Variants in ALDH1L2 observed in about 807,000 individuals in gnomAD.
The protein encoded by ALDH1L2 is aldehyde dehydrogenase 1 family member L2, also known as mitochondrial 10-formyltetrahydrofolate dehydrogenase.
Under a neutral mutation model 111.0 loss-of-function variants are expected in ALDH1L2, and 91 were observed. The ratio of observed to expected loss-of-function variants is 0.82; its 90% CI spans 0.69 to 0.98. The LOEUF is 0.98. ALDH1L2 is among the 50% of genes least tolerant of loss of function. The pLI, the probability that ALDH1L2 is intolerant of heterozygous loss-of-function variation, is 0.00. For synonymous variants in ALDH1L2, 374 were observed against 392.6 expected, an observed-to-expected ratio of 0.95 and a Z score of 0.56; for missense variants, 995 against 1,126.8, an observed-to-expected ratio of 0.88 and a Z score of 1.67.
At position 105,038,258 on chromosome 12, in the gene ALDH1L2, TCTCA is replaced by T. The variant is rs1227651857; in HGVS notation, c.2046-60_2046-57del. 1.1e-3 allele frequency: 804 copies of T among 704,624 alleles called. 1 individual carries two copies. Among genetic ancestry groups the T allele is most frequent in the East Asian group, 4.6e-3 (145 of 31,238 alleles). 43.6% of individuals were successfully genotyped at this position (704,624 alleles called of 1,614,324 possible). ...TAGTTAACATCTCTCTCTCTCTCTC[TCTCA>T]CACACACACACACACAAACACACAC... is the stretch of plus-strand genomic sequence containing the variant. On this transcript the variant is annotated intron_variant, in intron 17 of 22. Coordinates refer to ENST00000258494, the MANE Select transcript of ALDH1L2 (RefSeq NM_001034173.4).
At position 105,070,469 on chromosome 12, in the gene ALDH1L2, C is replaced by G. The variant is rs1481893715; in HGVS notation, c.428+101G>C. ...CCTGAAATCTCAGCTACTTGGGAGG[C>G]TGAGGCAGAAGGATCATTTGAGCCC... On this transcript the variant is annotated intron_variant, in intron 3 of 22. Coordinates refer to ENST00000258494, the MANE Select transcript of ALDH1L2 (RefSeq NM_001034173.4). The G allele has an allele frequency of 4.0e-6, 4 of 989,816 alleles. No homozygotes were observed. The African/African-American group carries it at 6.6e-5, about 16-fold the overall frequency. 61.3% of individuals were successfully genotyped at this position (989,816 alleles called of 1,614,324 possible). A position where few individuals can be genotyped will look rare whatever the true frequency, so the allele number is the denominator to read the frequency against.
intron 1 of ALDH1L2, among the ~76,000 whole-genome samples, chr12:105,083,256 C>T (rs1334401944): frequency 2.0e-5 from 3 of 152,208 alleles, no homozygotes; most frequent in East Asian, 1.9e-4. Context: ...ATCCCATGTG[C>T]CACGTGGTGG....
At chr12:105,067,283 A>G (rs1004300071) in intron 4 of ALDH1L2, among the ~76,000 whole-genome samples, 1 of 151,932 alleles carries the variant, frequency 6.6e-6, no homozygotes, top group Non-Finnish European at 1.5e-5. Flanking sequence ...GATCACAGAG[A>G]GAGCTTGTAG....
intron 17 of ALDH1L2, among the ~76,000 whole-genome samples, chr12:105,038,940 A>G (rs1252136308): frequency 6.6e-6 from 1 of 152,214 alleles, no homozygotes; most frequent in Non-Finnish European, 1.5e-5. Context: ...AAAAATATCA[A>G]TTTTTAAAAG....
chr12:105,078,400 T>C (rs1878174921), intron 1 of ALDH1L2, among the ~76,000 whole-genome samples: 1 of 152,076 alleles, frequency 6.6e-6, no homozygotes, highest in Non-Finnish European at 1.5e-5. Context: ...CAGAAGTTGC[T>C]GTGAGCTGAG....
intron 1 of ALDH1L2, among the ~76,000 whole-genome samples, chr12:105,080,470 TA>T (rs1555228749): frequency 6.6e-6 from 1 of 152,242 alleles, no homozygotes; most frequent in Non-Finnish European, 1.5e-5. Flanking sequence ...TCTGTCCCAC[TA>T]ATCTATGAAC....
At position 105,068,857 on chromosome 12, in the gene ALDH1L2, A is replaced by G; in HGVS notation, c.456T>C (p.Ala152=). ...CATCAGCCCAGAAAACAGAAAACCCAGCTTTCTTATCTCCCATAATTAGAG... is the reference window on the plus strand; with the variant it reads ...CATCAGCCCAGAAAACAGAAAACCCGGCTTTCTTATCTCCCATAATTAGAG... ...NWTLIMGDKK[A]GFSVFWADDG... is the part of the protein sequence containing the mutation. The change falls in exon 4 of 23, where the codon GCT becomes GCC. Residue 152 remains alanine (A), a synonymous_variant. Coordinates refer to ENST00000258494, the MANE Select transcript of ALDH1L2 (RefSeq NM_001034173.4). 1 of 1,582,712 alleles carries G rather than the reference A, an allele frequency of 6.3e-7. No individual in the cohort carries two copies. Among genetic ancestry groups the G allele is most frequent in the Non-Finnish European group, 8.6e-7 (1 of 1,169,328 alleles).
intron 1 of ALDH1L2, among the ~76,000 whole-genome samples, chr12:105,082,293 A>G (rs1418176368): frequency 1.3e-5 from 2 of 152,220 alleles, no homozygotes; most frequent in African/African-American, 2.4e-5. Context: ...CGTAACCACT[A>G]CCATAATCAA....
Position 105,058,078 on chromosome 12 carries a change from C to G in ALDH1L2, c.1282G>C (p.Asp428His). 1 of 1,612,416 alleles carries G rather than the reference C, an allele frequency of 6.2e-7. No individual in the cohort carries two copies. Residue 428 changes from aspartate (D) to histidine (H), a missense_variant, in exon 10 of 23, where the codon GAT becomes CAT. Asp to His is a moderately conservative substitution (Grantham distance 81). Coordinates refer to ENST00000258494, the MANE Select transcript of ALDH1L2 (RefSeq NM_001034173.4). ...AACATCAAGGAAAAGCTTACATAATCTACAACCAGCTCCACCTCTTGATCT... is the reference window on the plus strand; with the variant it reads ...AACATCAAGGAAAAGCTTACATAATGTACAACCAGCTCCACCTCTTGATCT... ...GEDQEVELVV[D>H]YISKEVNEIM...
At chr12:105,081,730 G>A (rs756404609) in intron 1 of ALDH1L2, among the ~76,000 whole-genome samples, 1 of 152,226 alleles carries the variant, frequency 6.6e-6, no homozygotes, top group Admixed American at 6.5e-5. Flanking sequence ...GTATTTCTAA[G>A]TCCTTTTATT....
At chr12:105,047,813 T>C (rs1876011116) in intron 13 of ALDH1L2, 1 of 152,248 alleles carries the variant, frequency 6.6e-6, no homozygotes, top group African/African-American at 2.4e-5. Context: ...TTTTGGACTT[T>C]AGAAGTGTAA....
chr12:105,055,783 AG>A (rs1256514520), intron 10 of ALDH1L2, among the ~76,000 whole-genome samples: 1 of 152,180 alleles, frequency 6.6e-6, no homozygotes, highest in Non-Finnish European at 1.5e-5. Context: ...TAAGTTGAAA[AG>A]TGCAATAACT....
rs951491870 is a variant in ALDH1L2, at chr12:105,083,622, T to A, written c.48+767A>T. Among the ~76,000 whole-genome samples the A allele has an allele frequency of 1.1e-4, 15 of 136,020 alleles. No individual in the cohort carries two copies. The East Asian group carries it at 2.9e-3, about 26-fold the overall frequency. The allele number at this position is 136,020 out of a possible 152,430, so 89.2% of individuals were successfully genotyped here. A position where few individuals can be genotyped will look rare whatever the true frequency, so the allele number is the denominator to read the frequency against. On this transcript the variant is annotated intron_variant, in intron 1 of 22. Coordinates refer to ENST00000258494, the MANE Select transcript of ALDH1L2 (RefSeq NM_001034173.4). ...GATACGATACATAAGACAGTTTTTA[T>A]TTTTTTTTTTTCTCTCTCTCTCTTC... is the stretch of plus-strand genomic sequence containing the variant.
At chr12:105,035,833 ATATATATG>A (rs201619547) in intron 18 of ALDH1L2, among the ~76,000 whole-genome samples, 1,269 of 91,620 alleles carry the variant, frequency 0.014, 193 homozygotes, top group African/African-American at 0.048. Flanking sequence ...GTCTATATAT[ATATATATG>A]TGTGTGTGTG....
At chr12:105,083,249 C>G (rs150320444) in intron 1 of ALDH1L2, among the ~76,000 whole-genome samples, 1,697 of 152,284 alleles carry the variant, frequency 0.011, 59 homozygotes, top group Admixed American at 0.073. Flanking sequence ...ATCTGGGATC[C>G]CATGTGCCAC....
At chr12:105,055,167 G>C (rs889420615) in intron 10 of ALDH1L2, among the ~76,000 whole-genome samples, 1 of 152,152 alleles carries the variant, frequency 6.6e-6, no homozygotes, top group African/African-American at 2.4e-5. Flanking sequence ...CAGGCAGGAA[G>C]TGTGAAGGTA....
chr12:105,046,034 A>AT (rs1267215263), intron 15 of ALDH1L2, among the ~76,000 whole-genome samples: 2 of 151,330 alleles, frequency 1.3e-5, no homozygotes, highest in Non-Finnish European at 2.9e-5. Flanking sequence ...GCATTAAGAG[A>AT]TTTTTTTGAA....
intron 19 of ALDH1L2, among the ~76,000 whole-genome samples, chr12:105,033,921 A>G (rs1022439175): frequency 5.3e-5 from 8 of 152,170 alleles, no homozygotes; most frequent in Non-Finnish European, 1.0e-4. Context: ...TCTTCAATAT[A>G]CTTTATCAGG....
rs1292504269 is a variant in ALDH1L2, at chr12:105,026,547, A to C, written c.2714T>G (p.Leu905Ter). The C allele has an allele frequency of 6.2e-7, 1 of 1,613,946 alleles. No individual in the cohort carries two copies. The highest frequency in any genetic ancestry group is 2.2e-5 in the East Asian group (1 of 44,892). ...GVKQSGFGKDLGEEALNEYLK... is the reference protein window; with the variant it reads ...GVKQSGFGKD ...GAAGCAGAAAAGTAAAGCCATACCT[A>C]AGTCTTTTCCAAAGCCAGATTGTTT... The change falls in exon 22 of 23, where the codon TTA becomes TGA. Residue 905 changes from leucine (L) to a stop codon, truncating the protein, a stop_gained and splice_region_variant. Coordinates refer to ENST00000258494, the MANE Select transcript of ALDH1L2 (RefSeq NM_001034173.4). LOFTEE classifies it high-confidence loss of function.
Sources: gnomAD v4.1 joint callset for allele counts (sites outside exome capture counted in the v4.1 genomes callset) on GRCh38, gnomAD v4.1.1 for gene constraint, MANE v1.5 for transcripts, NCBI Gene and HGNC (gene_info 2026-07-23, HGNC 2026-07-21) for gene names.